CLDN10: variants seen among roughly 807,000 people sequenced by gnomAD.
CLDN10 encodes claudin 10.
In CLDN10, 15 loss-of-function variants were observed where a neutral mutation model predicts 22.9. The observed-to-expected ratio is 0.65, with a 90% CI of 0.44 to 1.01. CLDN10 has a LOEUF of 1.01. CLDN10 is among the 50% of genes least tolerant of loss of function. The pLI is 0.00. For synonymous variants in CLDN10, 114 were observed against 111.4 expected, an observed-to-expected ratio of 1.02 and a Z score of -0.15; for missense variants, 247 against 287.8, an observed-to-expected ratio of 0.86 and a Z score of 1.03.
At chr13:95,574,367 C>T (rs2043898227) in intron 3 of CLDN10, among the ~76,000 whole-genome samples, 1 of 152,102 alleles carries the variant, frequency 6.6e-6, no homozygotes, top group South Asian at 2.1e-4. Context: ...GAAATCATCT[C>T]CAAATGGATA....
At chr13:95,561,575 G>T (rs527766631) in intron 3 of CLDN10, among the ~76,000 whole-genome samples, 1 of 152,200 alleles carries the variant, frequency 6.6e-6, no homozygotes, top group African/African-American at 2.4e-5. Flanking sequence ...TTAAATTGAG[G>T]AAAGAGGCCA....
At chr13:95,524,869 T>A (rs1186889880) in intron 1 of CLDN10, among the ~76,000 whole-genome samples, 11 of 150,346 alleles carry the variant, frequency 7.3e-5, no homozygotes, top group South Asian at 2.1e-4. Context: ...ATTTTTATTT[T>A]TTTTTTTGAG....
chr13:95,528,968 A>G (rs2043313275), intron 1 of CLDN10, among the ~76,000 whole-genome samples: 1 of 152,216 alleles, frequency 6.6e-6, no homozygotes, highest in Non-Finnish European at 1.5e-5. Context: ...GCCAAGACAC[A>G]TAACTGAGTG....
chr13:95,440,952 C>T (rs751244776), intron 1 of CLDN10, among the ~76,000 whole-genome samples: 66 of 152,324 alleles, frequency 4.3e-4, no homozygotes, highest in Non-Finnish European at 6.2e-4. Context: ...GCAGGCTGTT[C>T]TTTCATGGAA....
intron 1 of CLDN10, among the ~76,000 whole-genome samples, chr13:95,513,167 A>G (rs954591146): frequency 6.6e-6 from 1 of 152,240 alleles, no homozygotes. Context: ...GGCATGAGCC[A>G]ACATGCCCAG....
At chr13:95,565,937 C>A (rs947789413) in intron 3 of CLDN10, among the ~76,000 whole-genome samples, 2 of 152,156 alleles carry the variant, frequency 1.3e-5, no homozygotes, top group Admixed American at 1.3e-4. Flanking sequence ...CATCCATATC[C>A]CTGCCAAGGA....
At position 95,558,849 on chromosome 13, in the gene CLDN10, C is replaced by T. The variant is rs548203220; in HGVS notation, c.221-1283C>T. ...CTAAGGCAGGAGGATCTCTTGAACC[C>T]AGGAATTTGAGGCTGCAGTGAGCTA... On this transcript the variant is annotated intron_variant, in intron 1 of 4. Coordinates refer to ENST00000299339, the MANE Select transcript of CLDN10 (RefSeq NM_006984.5). Among the ~76,000 whole-genome samples the T allele has an allele frequency of 3.3e-5, 5 of 152,180 alleles. No individual in the cohort carries two copies. The East Asian group carries it at 9.7e-4, about 29-fold the overall frequency.
At chr13:95,552,661 G>A, upstream of CLDN10, 2 of 1,407,038 alleles carry the variant, frequency 1.4e-6, no homozygotes, top group Non-Finnish European at 1.9e-6. Flanking sequence ...GGTGGGCGGA[G>A]GCGGAGGCGG....
chr13:95,484,851 G>C (rs2042786996), intron 1 of CLDN10, among the ~76,000 whole-genome samples: 1 of 117,214 alleles, frequency 8.5e-6, no homozygotes, highest in Non-Finnish European at 1.7e-5. Flanking sequence ...GGGTAACAAA[G>C]TGAGACCCTG....
At chr13:95,529,666 A>T (rs2043320217) in intron 1 of CLDN10, among the ~76,000 whole-genome samples, 1 of 152,136 alleles carries the variant, frequency 6.6e-6, no homozygotes, top group Admixed American at 6.6e-5. Flanking sequence ...TTTGTAGGAC[A>T]CTGATAATCT....
chr13:95,524,466 A>G (rs989992949), intron 1 of CLDN10, among the ~76,000 whole-genome samples: 2 of 152,220 alleles, frequency 1.3e-5, no homozygotes, highest in African/African-American at 4.8e-5. Context: ...TTCAAAAGTC[A>G]TTCATGTTGT....
chr13:95,435,217 A>G (rs908162603), intron 1 of CLDN10, among the ~76,000 whole-genome samples: 2 of 152,212 alleles, frequency 1.3e-5, no homozygotes, highest in Non-Finnish European at 2.9e-5. Context: ...AATTTGATAC[A>G]TTTACAAATC....
intron 3 of CLDN10, chr13:95,560,793 C>T (rs1003330983): frequency 1.3e-5 from 3 of 224,174 alleles, no homozygotes; most frequent in Non-Finnish European, 2.7e-5. Flanking sequence ...AAGAATGATG[C>T]GGTGTGCGAA....
At chr13:95,510,834 T>C (rs2138559840) in intron 1 of CLDN10, among the ~76,000 whole-genome samples, 1 of 152,290 alleles carries the variant, frequency 6.6e-6, no homozygotes, top group East Asian at 1.9e-4. Context: ...GAGTCTCCAA[T>C]GAACCAGTAA....
intron 1 of CLDN10, among the ~76,000 whole-genome samples, chr13:95,483,730 A>G (rs2042774158): frequency 6.6e-6 from 1 of 152,212 alleles, no homozygotes; most frequent in Non-Finnish European, 1.5e-5. Context: ...CATGCCAAGC[A>G]TGGCTGAGCT....
intron 1 of CLDN10, among the ~76,000 whole-genome samples, chr13:95,439,668 T>C (rs989551762): frequency 6.6e-6 from 1 of 151,864 alleles, no homozygotes; most frequent in Admixed American, 6.6e-5. Flanking sequence ...CTAATCCTAT[T>C]CATGAGGGCT....
chr13:95,447,742 C>CGTGTGTGTGT (rs5805934), intron 1 of CLDN10, among the ~76,000 whole-genome samples: 16 of 147,544 alleles, frequency 1.1e-4, no homozygotes, highest in African/African-American at 4.0e-4. Flanking sequence ...AGTGCACATG[C>CGTGTGTGTGT]GTGTGTGTGT....
intron 1 of CLDN10, among the ~76,000 whole-genome samples, chr13:95,537,489 A>G (rs115410453): frequency 0.012 from 1,883 of 152,298 alleles, 35 homozygotes; most frequent in African/African-American, 0.043. Flanking sequence ...ATATGCCAAA[A>G]AGGTGCTGAA....
chr13:95,537,832 T>A (rs1360580089), intron 1 of CLDN10, among the ~76,000 whole-genome samples: 1 of 152,176 alleles, frequency 6.6e-6, no homozygotes, highest in Non-Finnish European at 1.5e-5. Flanking sequence ...CCGGGGTAAT[T>A]TGGATTGGCT....
Sources: gnomAD v4.1 joint callset for allele counts (sites outside exome capture counted in the v4.1 genomes callset) on GRCh38, gnomAD v4.1.1 for gene constraint, MANE v1.5 for transcripts, NCBI Gene and HGNC (gene_info 2026-07-23, HGNC 2026-07-21) for gene names.